Variants in NFIA observed in about 807,000 individuals in gnomAD.
NFIA encodes the protein nuclear factor 1 A-type.
A neutral mutation model predicts 62.8 loss-of-function variants in NFIA; 8 were observed. The observed-to-expected ratio is 0.13, with a 90% CI of 0.07 to 0.23. NFIA has a LOEUF of 0.23. NFIA is among the 10% of genes least tolerant of loss of function. NFIA has a pLI of 1.00. For synonymous variants in NFIA, 235 were observed against 238.1 expected (o/e 0.99, Z 0.12); for missense variants, 410 against 642.1 (o/e 0.64, Z 3.91).
intron 2 of NFIA, among the ~76,000 whole-genome samples, chr1:61,089,448 G>A (rs185033523): frequency 1.3e-5 from 2 of 152,210 alleles, no homozygotes; most frequent in Non-Finnish European, 2.9e-5. Context: ...TAGCATGCAG[G>A]ATAAAACTAT....
chr1:61,316,436 C>T (rs1335212145), intron 3 of NFIA, among the ~76,000 whole-genome samples: 1 of 152,074 alleles, frequency 6.6e-6, no homozygotes, highest in Non-Finnish European at 1.5e-5. Context: ...CCTCCAGGGA[C>T]CATATGGCTC....
At position 61,406,629 on chromosome 1, in the gene NFIA, C is replaced by T. The variant is rs1319866609; in HGVS notation, c.1322C>T (p.Pro441Leu). 11 of 1,612,346 alleles carry T rather than the reference C, an allele frequency of 6.8e-6. No individual in the cohort carries two copies. The highest frequency in any genetic ancestry group is 2.2e-5 in the East Asian group (1 of 44,740). The part of the protein sequence containing the change: ...FLPTPMLPPP[P>L]PPPMARPVPL... The stretch of plus-strand genomic sequence containing the variant: ...CCCACCCCAATGTTGCCACCGCCAC[C>T]GCCACCACCGATGGCCAGGCCTGTG... Residue 441 changes from proline (P) to leucine (L), a missense_variant, in exon 9 of 11, where the codon CCG (proline) becomes CTG (leucine). Physicochemically the swap from Pro to Leu is moderately conservative, Grantham distance 98 (BLOSUM62 -3). Around this residue, in one of 3 missense-constraint regions of NFIA, gnomAD observed 298 missense variants for 438.1 expected, o/e 0.68. Transcript: ENST00000403491.
At chr1:61,169,153 T>C (rs1649776479) in intron 2 of NFIA, among the ~76,000 whole-genome samples, 1 of 152,224 alleles carries the variant, frequency 6.6e-6, no homozygotes, top group South Asian at 2.1e-4. Context: ...TAGTGGATCT[T>C]GAAAGCTTTT....
At chr1:61,388,986 G>C (rs1664835959) in intron 7 of NFIA, among the ~76,000 whole-genome samples, 2 of 152,020 alleles carry the variant, frequency 1.3e-5, no homozygotes, top group African/African-American at 4.8e-5. Context: ...TAGTGGTAGA[G>C]ACCTGTGGTC....
At chr1:61,368,154 T>G (rs1357989319) in intron 6 of NFIA, among the ~76,000 whole-genome samples, 1 of 152,194 alleles carries the variant, frequency 6.6e-6, no homozygotes, top group South Asian at 2.1e-4. Context: ...AATCTCCAAA[T>G]TTTTAATTTC....
chr1:61,415,563 A>T (rs1371092195), intron 9 of NFIA, among the ~76,000 whole-genome samples: 1 of 152,196 alleles, frequency 6.6e-6, no homozygotes, highest in Non-Finnish European at 1.5e-5. Flanking sequence ...CATCTCATTC[A>T]TGTATCATGA....
At chr1:61,401,183 C>T (rs915903776) in intron 7 of NFIA, among the ~76,000 whole-genome samples, 2 of 151,988 alleles carry the variant, frequency 1.3e-5, no homozygotes, top group African/African-American at 2.4e-5. Flanking sequence ...AAAGGATGAC[C>T]CTTTAAAATG....
rs1212549334 is a variant in NFIA, at chr1:61,364,912, C to CT, written c.946+5640dup. On this transcript the variant is annotated intron_variant, in intron 6 of 10. Transcript: ENST00000403491. The stretch of plus-strand genomic sequence containing the variant: ...CCTGCAACATGGCATCACCTGGGGG[C>CT]TTACTAAAAATAGAGAACCCTGGCC... Among the ~76,000 whole-genome samples the CT allele has an allele frequency of 2.6e-5, 4 of 152,268 alleles. No homozygotes were observed. The South Asian group carries it at 6.2e-4, about 24-fold the overall frequency.
intron 6 of NFIA, among the ~76,000 whole-genome samples, chr1:61,380,652 TATA>T (rs1372949226): frequency 6.6e-6 from 1 of 152,152 alleles, no homozygotes; most frequent in African/African-American, 2.4e-5. Flanking sequence ...TATTAAAGTA[TATA>T]ATAAGGAAAT....
chr1:61,418,443 G>C (rs1161369022), intron 9 of NFIA, among the ~76,000 whole-genome samples: 2 of 151,954 alleles, frequency 1.3e-5, no homozygotes, highest in South Asian at 2.1e-4. Flanking sequence ...CTGGGCAACA[G>C]AGCAAGACCC....
intron 2 of NFIA, among the ~76,000 whole-genome samples, chr1:61,114,459 A>C (rs934805091): frequency 6.6e-6 from 1 of 152,204 alleles, no homozygotes; most frequent in Non-Finnish European, 1.5e-5. Context: ...ACTGCACTCC[A>C]GCCTGGGCAA....
intron 10 of NFIA, among the ~76,000 whole-genome samples, chr1:61,440,043 A>G (rs1366213313): frequency 6.6e-6 from 1 of 152,196 alleles, no homozygotes; most frequent in African/African-American, 2.4e-5. Flanking sequence ...CATTGAATTT[A>G]TAGCTTTTTT....
chr1:61,224,956 A>G (rs1250790742), intron 2 of NFIA, among the ~76,000 whole-genome samples: 1 of 152,188 alleles, frequency 6.6e-6, no homozygotes, highest in African/African-American at 2.4e-5. Flanking sequence ...CTTTCACCCC[A>G]TAATTTTGAG....
chr1:61,323,218 T>C (rs1427613796), intron 3 of NFIA, among the ~76,000 whole-genome samples: 3 of 152,210 alleles, frequency 2.0e-5, no homozygotes, highest in East Asian at 3.8e-4. Context: ...ATCATACCCA[T>C]GTTACAAATG....
intron 2 of NFIA, among the ~76,000 whole-genome samples, chr1:61,202,738 A>G (rs1257592235): frequency 6.6e-6 from 1 of 152,212 alleles, no homozygotes; most frequent in Non-Finnish European, 1.5e-5. Context: ...ACAAAAATTT[A>G]TATTTGCACA....
intron 2 of NFIA, among the ~76,000 whole-genome samples, chr1:61,273,105 T>C (rs935565935): frequency 6.6e-6 from 1 of 152,044 alleles, no homozygotes; most frequent in African/African-American, 2.4e-5. Context: ...TGTTTTAGGG[T>C]GGGAAGGGTT....
rs1387401274 is a variant in NFIA at position 61,283,032 on chromosome 1, C to T, written c.625+5447C>T. ...CAGATTTTGAAAATTTCCAGCTCTA[C>T]CTGCCAATTTGAAAATTACCCTGTG... On this transcript the variant is annotated intron_variant, in intron 3 of 10. Transcript: ENST00000403491. Among the ~76,000 whole-genome samples the T allele has an allele frequency of 3.3e-5, 5 of 152,106 alleles. No individual in the cohort carries two copies. In the South Asian group the frequency reaches 6.2e-4, roughly 19 times the overall value.
At chr1:61,263,563 G>A (rs1312558122) in intron 2 of NFIA, among the ~76,000 whole-genome samples, 2 of 152,094 alleles carry the variant, frequency 1.3e-5, no homozygotes, top group African/African-American at 4.8e-5. Context: ...AGTAATTTTT[G>A]TTGAATATAA....
intron 2 of NFIA, among the ~76,000 whole-genome samples, chr1:61,268,005 C>G (rs1230882908): frequency 1.3e-5 from 2 of 152,156 alleles, no homozygotes; most frequent in African/African-American, 4.8e-5. Context: ...GATCCAGTAT[C>G]ATTTCCCCTT....
Sources: gnomAD v4.1 joint callset for allele counts (sites outside exome capture counted in the v4.1 genomes callset) on GRCh38, gnomAD v4.1.1 for gene constraint, gnomAD v4.1.1 regional missense constraint, MANE v1.5 for transcripts, NCBI Gene and HGNC (gene_info 2026-07-23, HGNC 2026-07-21) for gene names.